MAT2B: variants seen among roughly 807,000 people sequenced by gnomAD.
MAT2B encodes methionine adenosyltransferase 2 subunit beta.
MAT2B carries 16 observed loss-of-function variants against 36.1 expected under a neutral mutation model. The ratio of observed to expected loss-of-function variants is 0.44; its 90% CI spans 0.30 to 0.67. MAT2B has a LOEUF of 0.67. MAT2B is among the 30% of genes least tolerant of loss of function. MAT2B has a pLI of 0.09. For missense variants in MAT2B, 332 were observed against 398.2 expected, an observed-to-expected ratio of 0.83 and a Z score of 1.42; for synonymous variants, 148 against 136.9, an observed-to-expected ratio of 1.08 and a Z score of -0.57.
rs529507593 is a variant in MAT2B at position 163,518,955 on chromosome 5, G to C, written c.*592G>C. Reference sequence around the variant, plus strand: ...GTTTATGGGGAGCACTTGAAAGAGCGTGTGTACATGTATTTTTTTTCTAGG... The same window carrying C: ...GTTTATGGGGAGCACTTGAAAGAGCCTGTGTACATGTATTTTTTTTCTAGG... On this transcript the variant is annotated 3_prime_UTR_variant, in exon 7 of 7. Transcript: ENST00000321757. The C allele has an allele frequency of 1.3e-5, 2 of 152,532 alleles. No individual in the cohort carries two copies. The highest frequency in any genetic ancestry group is 1.3e-4 in the Admixed American group (2 of 15,276). The allele number at this position is 152,532 out of a possible 1,614,324, so 9.4% of individuals were successfully genotyped here.
rs747452087 is a variant in MAT2B at position 163,516,690 on chromosome 5, G to A, written c.699G>A (p.Gln233=). The change falls in exon 5 of 7, where the codon CAG becomes CAA. Residue 233 remains glutamine, a synonymous_variant. Transcript: ENST00000321757. ...HVKDVATVCR[Q]LAEKRMLDPS... The stretch of plus-strand genomic sequence containing the variant: ...AAGATGTGGCCACTGTGTGCCGGCA[G>A]CTAGCAGAGAAGAGAATGCTGGTAA... 1.9e-6 allele frequency: 3 copies of A among 1,614,204 alleles called. No individual in the cohort carries two copies. The highest frequency in any genetic ancestry group is 1.1e-5 in the South Asian group (1 of 91,086).
chr5:163,509,639 C>G (rs1306133848), intron 1 of MAT2B, among the ~76,000 whole-genome samples: 1 of 152,208 alleles, frequency 6.6e-6, no homozygotes, highest in African/African-American at 2.4e-5. Context: ...TCAGAAGAAA[C>G]CAAATTATCT....
intron 1 of MAT2B, among the ~76,000 whole-genome samples, chr5:163,507,998 A>C (rs1429136102): frequency 3.3e-5 from 5 of 152,236 alleles, no homozygotes; most frequent in African/African-American, 9.6e-5. Context: ...GAGGAATTAG[A>C]TCAATAGAGA....
At position 163,509,866 on chromosome 5, in the gene MAT2B, C is replaced by A. The variant is rs1048458510; in HGVS notation, c.64-2136C>A. 3.3e-5 allele frequency among the ~76,000 whole-genome samples: 5 copies of A among 152,114 alleles called. No homozygotes were observed. In the East Asian group the frequency reaches 7.7e-4, roughly 23 times the overall value. Reference sequence around the variant, plus strand: ...TTTAGAGCCAAGTTTTGCAACACAGCCTGAATGAAATTGCTTTCAACTTTT... The same window carrying A: ...TTTAGAGCCAAGTTTTGCAACACAGACTGAATGAAATTGCTTTCAACTTTT... On this transcript the variant is annotated intron_variant, in intron 1 of 6. Coordinates refer to ENST00000321757, the MANE Select transcript of MAT2B (RefSeq NM_013283.5).
intron 1 of MAT2B, among the ~76,000 whole-genome samples, chr5:163,510,296 CT>C (rs1457403118): frequency 1.4e-5 from 2 of 147,502 alleles, no homozygotes; most frequent in Non-Finnish European, 3.0e-5. Flanking sequence ...AATAGTGGTT[CT>C]TTTTCATTTC....
intron 1 of MAT2B, among the ~76,000 whole-genome samples, chr5:163,507,926 T>C (rs759163441): frequency 2.0e-5 from 3 of 152,208 alleles, no homozygotes; most frequent in Non-Finnish European, 4.4e-5. Flanking sequence ...GTTAGAAATA[T>C]AGAACTTTAA....
At chr5:163,514,426 A>T (rs894308913) in intron 4 of MAT2B, among the ~76,000 whole-genome samples, 1 of 152,180 alleles carries the variant, frequency 6.6e-6, no homozygotes, top group African/African-American at 2.4e-5. Flanking sequence ...TTTTTCCTGT[A>T]TGTGAGTTTG....
chr5:163,505,710 C>T lies in MAT2B; in HGVS notation c.24C>T (p.Leu8=). 2 of 1,285,672 alleles carry T rather than the reference C, an allele frequency of 1.6e-6. No homozygotes were observed. Among genetic ancestry groups the T allele is most frequent in the South Asian group, 3.6e-5 (1 of 27,938 alleles). 79.6% of individuals were successfully genotyped at this position (1,285,672 alleles called of 1,614,324 possible). The part of the protein sequence containing the change: MVGREKE[L]SIHFVPGSCR... ...GCATGGTGGGGCGGGAGAAAGAGCT[C>T]TCTATACACTTTGTTCCCGGGAGCT... The change falls in exon 1 of 7, where the codon CTC becomes CTT. Residue 8 remains leucine, a synonymous_variant. Transcript: ENST00000321757.
intron 1 of MAT2B, among the ~76,000 whole-genome samples, chr5:163,508,534 G>A (rs1473078978): frequency 2.0e-5 from 3 of 152,044 alleles, no homozygotes; most frequent in African/African-American, 7.2e-5. Flanking sequence ...CCTGGCACCC[G>A]GCCTCAAACT....
rs766686479 is a variant in MAT2B, at chr5:163,517,576, G to A, written c.736G>A (p.Gly246Arg). 1.2e-6 allele frequency: 2 copies of A among 1,609,480 alleles called. No homozygotes were observed. Among genetic ancestry groups the A allele is most frequent in the Non-Finnish European group, 1.7e-6 (2 of 1,176,026 alleles). The change falls in exon 6 of 7, where the codon GGA becomes AGA. Residue 246 changes from glycine (G) to arginine (R), a missense_variant. By Grantham distance (125) the Gly-to-Arg change is moderately radical (BLOSUM62 -2). Coordinates refer to ENST00000321757, the MANE Select transcript of MAT2B (RefSeq NM_013283.5). ...EKRMLDPSIK[G>R]TFHWSGNEQM... Reference sequence around the variant, plus strand: ...TCGTTCTTAGGATCCATCAATTAAGGGAACCTTTCACTGGTCTGGCAATGA... The same window carrying A: ...TCGTTCTTAGGATCCATCAATTAAGAGAACCTTTCACTGGTCTGGCAATGA...
At chr5:163,517,467 C>G (rs1420704383) in intron 5 of MAT2B, 94 bp from the exon 6 acceptor site, 1 of 675,520 alleles carries the variant, frequency 1.5e-6, no homozygotes, top group African/African-American at 1.8e-5. Flanking sequence ...CCTTTTAGTT[C>G]CTGGACCTTA....
intron 4 of MAT2B, among the ~76,000 whole-genome samples, chr5:163,514,835 T>C (rs1411186573): frequency 6.6e-6 from 1 of 152,220 alleles, no homozygotes; most frequent in Non-Finnish European, 1.5e-5. Flanking sequence ...ATTATTCTGT[T>C]GAAATCATCC....
At chr5:163,512,476 A>G in intron 2 of MAT2B, 1 of 467,752 alleles carries the variant, frequency 2.1e-6, no homozygotes, top group Non-Finnish European at 3.9e-6. Flanking sequence ...TTCAAATGTT[A>G]CTGTAAACCT....
intron 1 of MAT2B, among the ~76,000 whole-genome samples, chr5:163,506,957 T>G (rs1759955719): frequency 6.6e-6 from 1 of 152,210 alleles, no homozygotes; most frequent in South Asian, 2.1e-4. Context: ...TAGTTAACGT[T>G]AGAGAAGCAT....
At chr5:163,506,149 C>T (rs1017492061) in intron 1 of MAT2B, among the ~76,000 whole-genome samples, 1 of 152,226 alleles carries the variant, frequency 6.6e-6, no homozygotes, top group Non-Finnish European at 1.5e-5. Flanking sequence ...GGTGACTTCT[C>T]ACAAATAACA....
chr5:163,512,032 C>G lies in MAT2B; in HGVS notation c.94C>G (p.Leu32Val). 3 of 1,614,142 alleles carry G rather than the reference C, an allele frequency of 1.9e-6. No individual in the cohort carries two copies. The highest frequency in any genetic ancestry group is 2.5e-6 in the Non-Finnish European group (3 of 1,179,984). The change falls in exon 2 of 7, where the codon CTG (leucine) becomes GTG (valine). Residue 32 changes from leucine to valine, a missense_variant. By Grantham distance (32) the Leu-to-Val change is conservative. Transcript: ENST00000321757. ...EEVNIPNRRV[L>V]VTGATGLLGR... Reference sequence around the variant, plus strand: ...AGTTAACATCCCTAATAGGAGGGTTCTGGTTACTGGTGCCACTGGGCTTCT... The same window carrying G: ...AGTTAACATCCCTAATAGGAGGGTTGTGGTTACTGGTGCCACTGGGCTTCT...
chr5:163,509,372 C>T (rs1759999984), intron 1 of MAT2B, among the ~76,000 whole-genome samples: 1 of 152,094 alleles, frequency 6.6e-6, no homozygotes, highest in African/African-American at 2.4e-5. Context: ...GTAAGAGAAA[C>T]GGATTGTTAT....
upstream of MAT2B, chr5:163,505,426 G>A (rs935158525): frequency 3.7e-6 from 3 of 808,612 alleles, no homozygotes; most frequent in Non-Finnish European, 5.0e-6. Flanking sequence ...ACTGCCTAAG[G>A]TCAGGGCCTT....
intron 1 of MAT2B, among the ~76,000 whole-genome samples, chr5:163,507,108 G>T (rs1188821366): frequency 6.6e-6 from 1 of 151,108 alleles, no homozygotes; most frequent in Non-Finnish European, 1.5e-5. Context: ...TGTTTCTGGG[G>T]AATTAAAAAA....
Sources: allele counts gnomAD v4.1 joint callset (sites outside exome capture counted in the v4.1 genomes callset), GRCh38; gene constraint gnomAD v4.1.1; transcripts MANE v1.5; gene names NCBI Gene and HGNC (gene_info 2026-07-23, HGNC 2026-07-21).